SHC4: variants seen among roughly 807,000 people sequenced by gnomAD.
SHC4 encodes the protein SHC-transforming protein 4.
In SHC4, 41 loss-of-function variants were observed where a neutral mutation model predicts 69.4. The ratio of observed to expected loss-of-function variants is 0.59; its 90% CI spans 0.46 to 0.77. SHC4 has a LOEUF of 0.77. SHC4 is among the 30% of genes least tolerant of loss of function. SHC4 has a pLI of 0.00. For synonymous variants in SHC4, 318 were observed against 299.3 expected, an observed-to-expected ratio of 1.06 and a Z score of -0.64; for missense variants, 777 against 783.8, an observed-to-expected ratio of 0.99 and a Z score of 0.10.
intron 11 of SHC4, among the ~76,000 whole-genome samples, chr15:48,832,087 A>AT (rs2140965249): frequency 6.6e-6 from 1 of 152,346 alleles, no homozygotes; most frequent in Admixed American, 6.5e-5. Context: ...CCTGGCCAAC[A>AT]TGGCAAAACC....
chr15:48,922,111 T>A (rs919457957), intron 2 of SHC4, among the ~76,000 whole-genome samples: 1 of 152,220 alleles, frequency 6.6e-6, no homozygotes, highest in African/African-American at 2.4e-5. Flanking sequence ...TCTATCCTCA[T>A]TCCCTGCTTT....
intron 11 of SHC4, among the ~76,000 whole-genome samples, chr15:48,831,862 T>C (rs1457402527): frequency 6.6e-6 from 1 of 152,258 alleles, no homozygotes; most frequent in Non-Finnish European, 1.5e-5. Flanking sequence ...TACTGTTTGG[T>C]ATCCTTTTGT....
chr15:48,853,094 T>C (rs1899247043), intron 8 of SHC4, among the ~76,000 whole-genome samples: 1 of 152,032 alleles, frequency 6.6e-6, no homozygotes, highest in Non-Finnish European at 1.5e-5. Context: ...CACTAGACTC[T>C]GCCAAAAGGC....
intron 11 of SHC4, among the ~76,000 whole-genome samples, chr15:48,829,066 C>T (rs1283256514): frequency 6.6e-6 from 1 of 152,072 alleles, no homozygotes; most frequent in Non-Finnish European, 1.5e-5. Flanking sequence ...TGTGGAAATA[C>T]CAGTTTTCCT....
At chr15:48,848,227 G>A (rs1405144098) in intron 9 of SHC4, among the ~76,000 whole-genome samples, 1 of 152,066 alleles carries the variant, frequency 6.6e-6, no homozygotes, top group Non-Finnish European at 1.5e-5. Flanking sequence ...AGTAGCTAAG[G>A]TTTGGAGAGA....
chr15:48,894,103 T>A (rs911548499), intron 2 of SHC4, among the ~76,000 whole-genome samples: 3 of 152,122 alleles, frequency 2.0e-5, no homozygotes, highest in African/African-American at 7.2e-5. Context: ...CATATCAAAA[T>A]AAATATTGCC....
At chr15:48,893,444 C>T (rs994918690) in intron 2 of SHC4, among the ~76,000 whole-genome samples, 1 of 152,172 alleles carries the variant, frequency 6.6e-6, no homozygotes, top group Non-Finnish European at 1.5e-5. Flanking sequence ...CAAAAAGCAG[C>T]CTTAGCCAAT....
chr15:48,851,254 T>C lies in SHC4; in HGVS notation c.1243-6A>G, dbSNP rs1374029165. 1.9e-6 allele frequency: 3 copies of C among 1,613,966 alleles called. No individual in the cohort carries two copies. The highest frequency in any genetic ancestry group is 2.2e-5 in the South Asian group (2 of 91,060). On this transcript the variant is annotated splice_polypyrimidine_tract_variant and splice_region_variant and intron_variant, in intron 8 of 11. Coordinates refer to ENST00000332408, the MANE Select transcript of SHC4 (RefSeq NM_203349.4). ...CTGCACTTGGAGTTTCCAGGCTGCA[T>C]GAACAACAAATTATGAAACATTTAC...
At position 48,825,973 on chromosome 15, in the gene SHC4, A is replaced by T. The variant is rs1898680179; in HGVS notation, c.1891T>A (p.Ter631ArgextTer3). The T allele has an allele frequency of 6.2e-7, 1 of 1,613,200 alleles. No individual in the cohort carries two copies. The highest frequency in any genetic ancestry group is 1.3e-5 in the African/African-American group (1 of 74,980). Residue 631 changes from the stop codon to arginine, a stop_lost, in exon 12 of 12, where the codon TGA (stop) becomes AGA (arginine). Coordinates refer to ENST00000332408, the MANE Select transcript of SHC4 (RefSeq NM_203349.4). Reference sequence around the variant, plus strand: ...AGTGTGATGGTGCTTCAATACTGTCATTTGTTGGAATGCAAAAGTGCTGGA... The same window carrying T: ...AGTGTGATGGTGCTTCAATACTGTCTTTTGTTGGAATGCAAAAGTGCTGGA... ...NNPALLHSNK[*>R] is the part of the protein sequence containing the mutation.
intron 2 of SHC4, among the ~76,000 whole-genome samples, chr15:48,891,088 G>A (rs1309725970): frequency 3.9e-5 from 6 of 152,068 alleles, no homozygotes; most frequent in Non-Finnish European, 7.4e-5. Flanking sequence ...TTCAGATTTT[G>A]TTTATTGTGT....
chr15:48,959,638 T>A (rs1037477764), intron 1 of SHC4, among the ~76,000 whole-genome samples: 1 of 152,238 alleles, frequency 6.6e-6, no homozygotes, highest in Non-Finnish European at 1.5e-5. Context: ...AGTTCTCTCC[T>A]ATGAATCCAT....
intron 4 of SHC4, among the ~76,000 whole-genome samples, chr15:48,872,881 T>C (rs979762659): frequency 6.6e-6 from 1 of 152,236 alleles, no homozygotes; most frequent in Non-Finnish European, 1.5e-5. Flanking sequence ...ATATCTGTCA[T>C]GCTATTTTGA....
chr15:48,942,649 C>A (rs916586709), intron 1 of SHC4, among the ~76,000 whole-genome samples: 2 of 152,056 alleles, frequency 1.3e-5, no homozygotes, highest in Admixed American at 6.6e-5. Flanking sequence ...CAATTATTAT[C>A]ATTGGTTATT....
intron 4 of SHC4, chr15:48,879,006 G>C: frequency 2.8e-6 from 1 of 361,224 alleles, no homozygotes; most frequent in Non-Finnish European, 5.3e-6. Context: ...CTTTGTTATT[G>C]ATCCAGATTA....
At chr15:48,887,728 G>A (rs1359570878) in intron 3 of SHC4, among the ~76,000 whole-genome samples, 1 of 152,084 alleles carries the variant, frequency 6.6e-6, no homozygotes, top group African/African-American at 2.4e-5. Context: ...TCTCCCAAAA[G>A]ATCGACAAAA....
chr15:48,841,580 T>C (rs942121126), intron 10 of SHC4, among the ~76,000 whole-genome samples: 6 of 152,164 alleles, frequency 3.9e-5, no homozygotes, highest in African/African-American at 1.4e-4. Context: ...TGGGGCTATA[T>C]ACGCTCAGCC....
chr15:48,894,884 T>C (rs551700450), intron 2 of SHC4, among the ~76,000 whole-genome samples: 29 of 152,164 alleles, frequency 1.9e-4, no homozygotes, highest in African/African-American at 6.5e-4. Context: ...CTCCTTGGGT[T>C]CAAGCAGTCC....
At chr15:48,840,956 T>G (rs890676436) in intron 10 of SHC4, among the ~76,000 whole-genome samples, 1 of 152,212 alleles carries the variant, frequency 6.6e-6, no homozygotes, top group African/African-American at 2.4e-5. Flanking sequence ...AAAATACATT[T>G]TGACATTACA....
chr15:48,950,794 G>A (rs1458654726), intron 1 of SHC4, among the ~76,000 whole-genome samples: 2 of 152,158 alleles, frequency 1.3e-5, no homozygotes, highest in Non-Finnish European at 2.9e-5. Context: ...GGAGGTGTGG[G>A]ATATCCACTG....
Sources: gnomAD v4.1 joint callset for allele counts (sites outside exome capture counted in the v4.1 genomes callset) on GRCh38, gnomAD v4.1.1 for gene constraint, MANE v1.5 for transcripts, NCBI Gene and HGNC (gene_info 2026-07-23, HGNC 2026-07-21) for gene names.